ATP2B4: variants seen among roughly 807,000 people sequenced by gnomAD.
ATP2B4 encodes plasma membrane calcium-transporting ATPase 4.
A neutral mutation model predicts 110.3 loss-of-function variants in ATP2B4; 39 were observed. The observed-to-expected ratio is 0.35, with a 90% CI of 0.27 to 0.46. ATP2B4 has a LOEUF of 0.46. Ranked by LOEUF, ATP2B4 falls within the 20% of genes least tolerant of loss-of-function variation. The pLI is 1.00. For synonymous variants in ATP2B4, 538 were observed against 571.7 expected, an observed-to-expected ratio of 0.94 and a Z score of 0.84; for missense variants, 1,135 against 1,530.9, an observed-to-expected ratio of 0.74 and a Z score of 4.32.
intron 1 of ATP2B4, among the ~76,000 whole-genome samples, chr1:203,672,294 G>C (rs1473952960): frequency 9.4e-6 from 1 of 106,694 alleles, no homozygotes; most frequent in Non-Finnish European, 1.8e-5. Flanking sequence ...TGGCTATCCT[G>C]TTTTTGTTCC....
At chr1:203,733,330 T>A in intron 20 of ATP2B4, 1 of 1,614,190 alleles carries the variant, frequency 6.2e-7, no homozygotes, top group South Asian at 1.1e-5. Flanking sequence ...GTTCATCCTA[T>A]GTAGCAGTTG....
At chr1:203,652,748 C>T (rs1664036619) in intron 1 of ATP2B4, among the ~76,000 whole-genome samples, 1 of 152,106 alleles carries the variant, frequency 6.6e-6, no homozygotes, top group Admixed American at 6.5e-5. Flanking sequence ...TTTTGGGGTG[C>T]TACAAATGGT....
At chr1:203,680,050 G>C (rs1212017703) in intron 1 of ATP2B4, among the ~76,000 whole-genome samples, 3 of 108,524 alleles carry the variant, frequency 2.8e-5, no homozygotes, top group Admixed American at 2.2e-4. Context: ...GACAGAGTGA[G>C]ACTCTTTCTC....
intron 2 of ATP2B4, among the ~76,000 whole-genome samples, chr1:203,693,237 G>A (rs1356455896): frequency 6.6e-6 from 1 of 152,124 alleles, no homozygotes; most frequent in African/African-American, 2.4e-5. Flanking sequence ...GACTCTCTAG[G>A]GCAGAAAGAA....
In ATP2B4 at chr1:203,709,456, G is replaced by A. The variant is rs1267546085; in HGVS notation, c.1713G>A (p.Val571=). The A allele has an allele frequency of 1.2e-6, 2 of 1,614,174 alleles. No homozygotes were observed. The highest frequency in any genetic ancestry group is 2.2e-5 in the South Asian group (2 of 91,082). ...ACAAGGTGTACACCTTTAACTCAGT[G>A]CGCAAGTCAATGAGCACCGTCATCA... ...KLYKVYTFNS[V]RKSMSTVIRN... Residue 571 remains valine, a synonymous_variant, in exon 11 of 21, where the codon GTG becomes GTA. Coordinates refer to ENST00000357681, the MANE Select transcript of ATP2B4 (RefSeq NM_001684.5).
At chr1:203,657,141 G>T in intron 1 of ATP2B4, 2 of 830,102 alleles carry the variant, frequency 2.4e-6, no homozygotes, top group East Asian at 2.4e-5. Context: ...GTGGGGATGA[G>T]GGATTCTTCT....
At chr1:203,693,330 G>A in intron 2 of ATP2B4, among the ~76,000 whole-genome samples, 1 of 152,170 alleles carries the variant, frequency 6.6e-6, no homozygotes, top group East Asian at 1.9e-4. Context: ...ATGTCAGAGA[G>A]GATTCCCAAG....
At chr1:203,704,167 A>G (rs1298206736) in intron 8 of ATP2B4, among the ~76,000 whole-genome samples, 2 of 152,190 alleles carry the variant, frequency 1.3e-5, no homozygotes, top group African/African-American at 4.8e-5. Context: ...TTCCTTAAAG[A>G]TAGAGAAGGC....
At chr1:203,714,418 C>A in intron 15 of ATP2B4, 141 bp downstream of exon 15, 1 of 755,412 alleles carries the variant, frequency 1.3e-6, no homozygotes, top group Non-Finnish European at 2.2e-6. Context: ...CTCCTATCTA[C>A]CGGGCCAATC....
At chr1:203,653,379 C>T (rs1159272574) in intron 1 of ATP2B4, among the ~76,000 whole-genome samples, 4 of 152,250 alleles carry the variant, frequency 2.6e-5, no homozygotes, top group Admixed American at 1.3e-4. Context: ...ATAGAAACCA[C>T]AGCAAGTTAG....
intron 7 of ATP2B4, among the ~76,000 whole-genome samples, chr1:203,702,282 C>G (rs891675706): frequency 2.6e-5 from 4 of 152,112 alleles, no homozygotes; most frequent in Admixed American, 6.6e-5. Context: ...ACAACAGCAC[C>G]CTCTGCTGTT....
intron 20 of ATP2B4, among the ~76,000 whole-genome samples, chr1:203,732,614 G>A (rs1013680632): frequency 6.6e-6 from 1 of 151,990 alleles, no homozygotes; most frequent in South Asian, 2.1e-4. Context: ...TGGAAAATCC[G>A]CAAAAATACG....
chr1:203,699,068 C>T (rs1428410268), intron 3 of ATP2B4, among the ~76,000 whole-genome samples: 1 of 152,154 alleles, frequency 6.6e-6, no homozygotes, highest in African/African-American at 2.4e-5. Context: ...AACCAACACC[C>T]CCAGCCAGGA....
At chr1:203,734,745 C>A (rs1480565776) in intron 20 of ATP2B4, among the ~76,000 whole-genome samples, 1 of 150,256 alleles carries the variant, frequency 6.7e-6, no homozygotes, top group African/African-American at 2.5e-5. Context: ...TGGTTCACGC[C>A]TATAATCCCA....
intron 16 of ATP2B4, 54 bp downstream of exon 16, chr1:203,720,794 A>G: frequency 6.4e-7 from 1 of 1,552,388 alleles, no homozygotes; most frequent in South Asian, 1.2e-5. Context: ...GGGCTAAGGA[A>G]CATGGAGTGA....
chr1:203,740,167 A>C lies in ATP2B4; in HGVS notation c.*313A>C. 3.5e-6 allele frequency: 1 copy of C among 289,410 alleles called. No homozygotes were observed. The highest frequency in any genetic ancestry group is 6.5e-6 in the Non-Finnish European group (1 of 154,424). The allele number at this position is 289,410 out of a possible 1,614,324, so 17.9% of individuals were successfully genotyped here. On this transcript the variant is annotated 3_prime_UTR_variant, in exon 21 of 21. Coordinates refer to ENST00000357681, the MANE Select transcript of ATP2B4 (RefSeq NM_001684.5). The stretch of plus-strand genomic sequence containing the variant: ...TCCTCTTGGCATCACCCCACCCCAC[A>C]TTCTCCCCGATGTTCCTCTCCTGAA...
At chr1:203,701,954 C>A in intron 6 of ATP2B4, 90 bp from the exon 7 acceptor site, 1 of 1,370,264 alleles carries the variant, frequency 7.3e-7, no homozygotes, top group East Asian at 2.3e-5. Flanking sequence ...TTGCTGTTGT[C>A]CTTCTGGGCT....
chr1:203,730,809 G>A (rs1666682565), intron 20 of ATP2B4, among the ~76,000 whole-genome samples: 1 of 152,212 alleles, frequency 6.6e-6, no homozygotes, highest in Non-Finnish European at 1.5e-5. Context: ...CCTAAAGTGA[G>A]GCATGTTCAA....
chr1:203,648,168 T>C (rs1663864089), intron 1 of ATP2B4, among the ~76,000 whole-genome samples: 1 of 152,206 alleles, frequency 6.6e-6, no homozygotes. Flanking sequence ...GTTCTCATGC[T>C]GGCCTGTGAT....
Sources: gnomAD v4.1 joint callset for allele counts (sites outside exome capture counted in the v4.1 genomes callset) on GRCh38, gnomAD v4.1.1 for gene constraint, MANE v1.5 for transcripts, NCBI Gene and HGNC (gene_info 2026-07-23, HGNC 2026-07-21) for gene names.